Variants in ARHGAP24 observed in about 807,000 individuals in gnomAD.
ARHGAP24 encodes Rho GTPase activating protein 24.
A neutral mutation model predicts 76.4 loss-of-function variants in ARHGAP24; 50 were observed. The ratio of observed to expected loss-of-function variants is 0.65; its 90% CI spans 0.52 to 0.83. The LOEUF is 0.83. Ranked by LOEUF, ARHGAP24 falls within the 40% of genes least tolerant of loss-of-function variation. The pLI, the probability that ARHGAP24 is intolerant of heterozygous loss-of-function variation, is 0.00. For missense variants in ARHGAP24, 930 were observed against 914.2 expected (o/e 1.02, Z -0.22); for synonymous variants, 345 against 323.3 (o/e 1.07, Z -0.72).
At chr4:85,814,325 A>G (rs976492549) in intron 3 of ARHGAP24, among the ~76,000 whole-genome samples, 1 of 152,152 alleles carries the variant, frequency 6.6e-6, no homozygotes, top group Non-Finnish European at 1.5e-5. Context: ...ATTAACTCAA[A>G]AGTCCACAGT....
chr4:85,622,223 A>C, intron 2 of ARHGAP24, among the ~76,000 whole-genome samples: 1 of 148,850 alleles, frequency 6.7e-6, no homozygotes, highest in Admixed American at 6.7e-5. Context: ...CATTAGGTAT[A>C]TCTCCTAATG....
chr4:85,977,171 C>T (rs1441165731), intron 7 of ARHGAP24, among the ~76,000 whole-genome samples: 2 of 152,094 alleles, frequency 1.3e-5, no homozygotes, highest in African/African-American at 4.8e-5. Flanking sequence ...TTCCTCCTGT[C>T]TAAAGAAGGC....
At chr4:85,915,108 C>A (rs1451551182) in intron 3 of ARHGAP24, among the ~76,000 whole-genome samples, 1 of 152,204 alleles carries the variant, frequency 6.6e-6, no homozygotes, top group African/African-American at 2.4e-5. Flanking sequence ...GATTCTGAAT[C>A]TCTGACAAAA....
intron 1 of ARHGAP24, among the ~76,000 whole-genome samples, chr4:85,560,157 G>A (rs1476234122): frequency 6.6e-6 from 1 of 151,988 alleles, no homozygotes; most frequent in East Asian, 1.9e-4. Flanking sequence ...TTCTACTCAG[G>A]TTATCAGCAT....
At chr4:85,868,615 A>G (rs987302260) in intron 3 of ARHGAP24, among the ~76,000 whole-genome samples, 37 of 152,180 alleles carry the variant, frequency 2.4e-4, no homozygotes, top group African/African-American at 7.7e-4. Flanking sequence ...GGATCCTGGA[A>G]CAGAAAAGGA....
intron 2 of ARHGAP24, among the ~76,000 whole-genome samples, chr4:85,700,723 C>T (rs1323124256): frequency 2.0e-5 from 3 of 152,046 alleles, no homozygotes; most frequent in Non-Finnish European, 4.4e-5. Context: ...GAGCTTGAAA[C>T]GTGAACTTAT....
intron 2 of ARHGAP24, among the ~76,000 whole-genome samples, chr4:85,680,227 A>G (rs1341681861): frequency 6.6e-6 from 1 of 152,182 alleles, no homozygotes; most frequent in Non-Finnish European, 1.5e-5. Flanking sequence ...TGAAACTACC[A>G]AATTCCAGAG....
intron 1 of ARHGAP24, among the ~76,000 whole-genome samples, chr4:85,544,622 G>C (rs1725831885): frequency 6.6e-6 from 1 of 151,666 alleles, no homozygotes; most frequent in Non-Finnish European, 1.5e-5. Context: ...TAATTTTAAG[G>C]GTTTTTTCAG....
intron 1 of ARHGAP24, among the ~76,000 whole-genome samples, chr4:85,540,413 A>G (rs909378335): frequency 6.6e-6 from 1 of 152,236 alleles, no homozygotes; most frequent in Non-Finnish European, 1.5e-5. Context: ...TCTTCTCAGT[A>G]GTCAGCAAGA....
chr4:85,789,125 A>T (rs7684607), intron 3 of ARHGAP24, among the ~76,000 whole-genome samples: 61,490 of 151,024 alleles, frequency 0.41, 12,845 homozygotes, highest in African/African-American at 0.5. Context: ...CAGTCCCAGC[A>T]CTCAACCTCC....
chr4:85,712,735 G>A (rs1405176511), intron 2 of ARHGAP24, among the ~76,000 whole-genome samples: 1 of 152,068 alleles, frequency 6.6e-6, no homozygotes, highest in East Asian at 1.9e-4. Context: ...TAGATTTAGG[G>A]TCTACCCAGA....
chr4:85,960,581 T>C (rs543770117), intron 5 of ARHGAP24, among the ~76,000 whole-genome samples: 1 of 152,184 alleles, frequency 6.6e-6, no homozygotes, highest in Non-Finnish European at 1.5e-5. Context: ...TCAATAAATA[T>C]TCGATGAATA....
chr4:85,908,916 T>G (rs1193698425), intron 3 of ARHGAP24, among the ~76,000 whole-genome samples: 1 of 152,132 alleles, frequency 6.6e-6, no homozygotes, highest in Non-Finnish European at 1.5e-5. Flanking sequence ...CTCAGGATGT[T>G]GTAAACCATC....
chr4:86,001,044 A>G lies in ARHGAP24; in HGVS notation c.*322A>G. 2.1e-6 allele frequency: 1 copy of G among 471,240 alleles called. No individual in the cohort carries two copies. The highest frequency in any genetic ancestry group is 3.7e-6 in the Non-Finnish European group (1 of 270,230). 29.2% of individuals were successfully genotyped at this position (471,240 alleles called of 1,614,324 possible). On this transcript the variant is annotated 3_prime_UTR_variant, in exon 10 of 10. Transcript: ENST00000395184. ...AAATGTTAAATCAATATGTTGTTGC[A>G]ATTTAGCTTGCTTTCAAGCTTCACC...
At chr4:85,701,912 A>G (rs1484983484) in intron 2 of ARHGAP24, among the ~76,000 whole-genome samples, 1 of 152,174 alleles carries the variant, frequency 6.6e-6, no homozygotes, top group African/African-American at 2.4e-5. Flanking sequence ...ACCATCTGCA[A>G]TGTGGTCAGA....
At chr4:85,989,624 A>T (rs1337169531) in intron 8 of ARHGAP24, among the ~76,000 whole-genome samples, 1 of 151,722 alleles carries the variant, frequency 6.6e-6, no homozygotes, top group Admixed American at 6.6e-5. Flanking sequence ...GAATATAGAC[A>T]TATAAATCCT....
At chr4:85,799,873 C>G (rs1728507655) in intron 3 of ARHGAP24, among the ~76,000 whole-genome samples, 1 of 152,122 alleles carries the variant, frequency 6.6e-6, no homozygotes, top group Non-Finnish European at 1.5e-5. Flanking sequence ...TAACCTCAAT[C>G]TGATGATGAG....
intron 2 of ARHGAP24, among the ~76,000 whole-genome samples, chr4:85,632,601 G>A (rs1018839732): frequency 1.4e-4 from 21 of 151,626 alleles, no homozygotes; most frequent in Non-Finnish European, 2.5e-4. Flanking sequence ...CTTTTATATC[G>A]TGTATACACA....
chr4:85,645,868 C>G (rs1417089197), intron 2 of ARHGAP24, among the ~76,000 whole-genome samples: 1 of 151,918 alleles, frequency 6.6e-6, no homozygotes, highest in Non-Finnish European at 1.5e-5. Context: ...TCAAAACATA[C>G]CATGAATCAA....
Sources: gnomAD v4.1 joint callset for allele counts (sites outside exome capture counted in the v4.1 genomes callset) on GRCh38, gnomAD v4.1.1 for gene constraint, MANE v1.5 for transcripts, NCBI Gene and HGNC (gene_info 2026-07-23, HGNC 2026-07-21) for gene names.